Variants in ITPR2 observed in about 807,000 individuals in gnomAD.
The protein encoded by ITPR2 is inositol 1,4,5-trisphosphate receptor type 2.
In ITPR2, 207 loss-of-function variants were observed where a neutral mutation model predicts 317.1. That is an observed-to-expected ratio of 0.65 (90% CI 0.58 to 0.73). The LOEUF (loss-of-function observed/expected upper bound fraction) is 0.73, where lower values mean the gene tolerates loss of function less well. Ranked by LOEUF, ITPR2 falls within the 30% of genes least tolerant of loss-of-function variation. The pLI is 0.00. For missense variants in ITPR2, 2,613 were observed against 3,284.0 expected (o/e 0.80, Z 4.99); for synonymous variants, 1,156 against 1,149.1 (o/e 1.01, Z -0.12).
intron 49 of ITPR2, among the ~76,000 whole-genome samples, chr12:26,420,566 T>TA (rs1940858589): frequency 1.3e-5 from 2 of 152,244 alleles, no homozygotes; most frequent in South Asian, 4.1e-4. Context: ...ACATAGCAAC[T>TA]AAAAAGGCCA....
chr12:26,451,502 C>A (rs1941741817), intron 45 of ITPR2, among the ~76,000 whole-genome samples: 1 of 151,994 alleles, frequency 6.6e-6, no homozygotes, highest in South Asian at 2.1e-4. Context: ...ACAAACTTCA[C>A]CCAAGGAGTT....
At chr12:26,512,678 C>A (rs568961251) in intron 37 of ITPR2, among the ~76,000 whole-genome samples, 2 of 152,294 alleles carry the variant, frequency 1.3e-5, no homozygotes, top group Admixed American at 6.5e-5. Flanking sequence ...GCCCTGACCA[C>A]CTTGGGCACA....
intron 32 of ITPR2, among the ~76,000 whole-genome samples, chr12:26,587,526 C>A (rs557427386): frequency 1.3e-5 from 2 of 152,102 alleles, no homozygotes; most frequent in South Asian, 2.1e-4. Context: ...ATTTGGCATA[C>A]CTGAGGAGTA....
chr12:26,361,346 G>T (rs561304229), intron 55 of ITPR2, among the ~76,000 whole-genome samples: 43 of 152,180 alleles, frequency 2.8e-4, no homozygotes, highest in Non-Finnish European at 4.9e-4. Flanking sequence ...TTTAATCCCT[G>T]GTCATGGTTT....
intron 55 of ITPR2, among the ~76,000 whole-genome samples, chr12:26,343,396 C>A (rs959364579): frequency 6.6e-6 from 1 of 152,108 alleles, no homozygotes; most frequent in African/African-American, 2.4e-5. Context: ...TATCACTGAA[C>A]TTGGGAAGTT....
At chr12:26,807,676 T>C (rs976624447) in intron 1 of ITPR2, among the ~76,000 whole-genome samples, 7 of 152,204 alleles carry the variant, frequency 4.6e-5, no homozygotes, top group African/African-American at 2.4e-5. Flanking sequence ...GCAAGAAAGA[T>C]AGTCTTTACT....
intron 35 of ITPR2, among the ~76,000 whole-genome samples, chr12:26,560,253 T>C (rs150066970): frequency 6.6e-6 from 1 of 152,284 alleles, no homozygotes; most frequent in East Asian, 1.9e-4. Flanking sequence ...CTTGCACTCT[T>C]TATGTGGCCA....
At chr12:26,602,151 G>C (rs1353286064) in intron 28 of ITPR2, among the ~76,000 whole-genome samples, 2 of 151,676 alleles carry the variant, frequency 1.3e-5, no homozygotes, top group Non-Finnish European at 2.9e-5. Context: ...GCAGTAAAGT[G>C]CCTTGCTCTT....
chr12:26,366,091 C>T (rs976662873), intron 55 of ITPR2, among the ~76,000 whole-genome samples: 2 of 152,066 alleles, frequency 1.3e-5, no homozygotes, highest in Admixed American at 6.6e-5. Context: ...TTTCCTACAT[C>T]GGTTGGTCTT....
chr12:26,654,894 C>T (rs1947338194), intron 20 of ITPR2, among the ~76,000 whole-genome samples: 1 of 152,214 alleles, frequency 6.6e-6, no homozygotes, highest in Admixed American at 6.5e-5. Flanking sequence ...TCCCAGTCAA[C>T]AGCTTGCTGG....
chr12:26,708,433 C>G, intron 9 of ITPR2, among the ~76,000 whole-genome samples: 1 of 152,112 alleles, frequency 6.6e-6, no homozygotes, highest in Non-Finnish European at 1.5e-5. Context: ...AGAACGAGAT[C>G]CTGTCATTTG....
chr12:26,476,124 A>C (rs1942411664), intron 44 of ITPR2, among the ~76,000 whole-genome samples: 1 of 152,228 alleles, frequency 6.6e-6, no homozygotes, highest in African/African-American at 2.4e-5. Context: ...CATTAAATAT[A>C]TATTAAATCA....
chr12:26,796,772 G>T (rs1466647392), intron 1 of ITPR2, among the ~76,000 whole-genome samples: 3 of 152,210 alleles, frequency 2.0e-5, no homozygotes, highest in Non-Finnish European at 4.4e-5. Flanking sequence ...GCTCACACCT[G>T]TAATCCCAGC....
chr12:26,565,406 G>A (rs1237371018), intron 34 of ITPR2, among the ~76,000 whole-genome samples: 1 of 151,740 alleles, frequency 6.6e-6, no homozygotes, highest in African/African-American at 2.4e-5. Context: ...TATAATGATA[G>A]TCCCCAGAAG....
chr12:26,686,512 T>C lies in ITPR2; in HGVS notation c.1117A>G (p.Thr373Ala), dbSNP rs369193002. The C allele has an allele frequency of 5.0e-6, 8 of 1,608,342 alleles. No individual in the cohort carries two copies. Among genetic ancestry groups the C allele is most frequent in the South Asian group, 2.2e-5 (2 of 90,010 alleles). Residue 373 changes from threonine (T) to alanine (A), a missense_variant, in exon 11 of 57, where the codon ACT (threonine) becomes GCT (alanine). Transcript: ENST00000381340. ...IASLFELDAT[T>A]LQRADCLVPR... ...ACCAGGCAGTCAGCTCTCTGAAGAG[T>C]TGTGGCATCTAGTTCAAAAAGGGAT...
At chr12:26,773,741 T>C (rs929510866) in intron 2 of ITPR2, among the ~76,000 whole-genome samples, 1 of 152,180 alleles carries the variant, frequency 6.6e-6, no homozygotes, top group African/African-American at 2.4e-5. Flanking sequence ...TATTTTAAAG[T>C]ATAAGCACTT....
chr12:26,496,770 C>T (rs1201496192), intron 37 of ITPR2, among the ~76,000 whole-genome samples: 1 of 151,854 alleles, frequency 6.6e-6, no homozygotes. Context: ...AGTGAAACCC[C>T]GTCTGTACTA....
Position 26,353,860 on chromosome 12 carries a change from A to C in ITPR2, c.7858-13532T>G, listed in dbSNP as rs184522542. Among the ~76,000 whole-genome samples, 214 of 152,174 alleles carry C rather than the reference A, an allele frequency of 1.4e-3. 1 individual carries two copies. The highest frequency in any genetic ancestry group is 4.9e-3 in the African/African-American group (202 of 41,510). On this transcript the variant is annotated intron_variant, in intron 55 of 56. Transcript: ENST00000381340. ...AGGAAAACTATACACACACACACAC[A>C]CCTCTATATACAATGACTATACAGA... is the stretch of plus-strand genomic sequence containing the variant.
Position 26,424,889 on chromosome 12 carries a change from A to AGTG in ITPR2, c.6945+3023_6945+3024insCAC, listed in dbSNP as rs780367587. 5.3e-5 allele frequency among the ~76,000 whole-genome samples: 8 copies of AGTG among 152,130 alleles called. No homozygotes were observed. The South Asian group carries it at 1.7e-3, about 32-fold the overall frequency. On this transcript the variant is annotated intron_variant, in intron 49 of 56. Transcript: ENST00000381340. Reference sequence around the variant, plus strand: ...ATTCTCTGGCCTCAGCCTCTGGAGTAGCTGGGACTACAGGTACGCACCATC... The same window carrying AGTG: ...ATTCTCTGGCCTCAGCCTCTGGAGTAGTGGCTGGGACTACAGGTACGCACCATC...
Sources: allele counts gnomAD v4.1 joint callset (sites outside exome capture counted in the v4.1 genomes callset), GRCh38; gene constraint gnomAD v4.1.1; transcripts MANE v1.5; gene names NCBI Gene and HGNC (gene_info 2026-07-23, HGNC 2026-07-21).